KCNIP4: variants seen among roughly 807,000 people sequenced by gnomAD.
KCNIP4 encodes the protein Kv channel-interacting protein 4.
KCNIP4 carries 12 observed loss-of-function variants against 34.0 expected under a neutral mutation model. That is an observed-to-expected ratio of 0.35 (90% CI 0.23 to 0.57). The LOEUF (loss-of-function observed/expected upper bound fraction) is 0.57, where lower values mean the gene tolerates loss of function less well. Ranked by LOEUF, KCNIP4 falls within the 20% of genes least tolerant of loss-of-function variation. The pLI, the probability that KCNIP4 is intolerant of heterozygous loss-of-function variation, is 0.83. For missense variants in KCNIP4, 238 were observed against 311.7 expected (o/e 0.76, Z 1.78); for synonymous variants, 124 against 102.2 (o/e 1.21, Z -1.29).
intron 1 of KCNIP4, among the ~76,000 whole-genome samples, chr4:21,065,743 TATATATATATATATATATATATAA>T (rs969510131): frequency 7.0e-6 from 1 of 142,090 alleles, no homozygotes; most frequent in Non-Finnish European, 1.5e-5. Flanking sequence ...TATATATATA[TATATATATATATATATATATATAA>T]CTCAATTTTA....
intron 1 of KCNIP4, among the ~76,000 whole-genome samples, chr4:21,395,792 G>A (rs1722936204): frequency 6.6e-6 from 1 of 152,114 alleles, no homozygotes. Context: ...TTTAAATGAT[G>A]TGGGGGTAAG....
At chr4:21,278,710 T>C (rs1199575377) in intron 1 of KCNIP4, among the ~76,000 whole-genome samples, 1 of 152,020 alleles carries the variant, frequency 6.6e-6, no homozygotes, top group Non-Finnish European at 1.5e-5. Flanking sequence ...CAGCTGCCAA[T>C]GGCAACAAGA....
intron 1 of KCNIP4, among the ~76,000 whole-genome samples, chr4:21,442,817 TC>T (rs1480309447): frequency 2.6e-5 from 4 of 152,162 alleles, no homozygotes; most frequent in African/African-American, 9.7e-5. Context: ...TGCTAGCAAC[TC>T]CCAAGTTCAC....
chr4:21,248,990 CAT>C (rs1232129560), intron 1 of KCNIP4, among the ~76,000 whole-genome samples: 1 of 152,158 alleles, frequency 6.6e-6, no homozygotes, highest in African/African-American at 2.4e-5. Context: ...TGGTAAGTAT[CAT>C]GTGATTTTCT....
At chr4:21,895,403 C>T (rs1168979624) in intron 1 of KCNIP4, among the ~76,000 whole-genome samples, 1 of 152,118 alleles carries the variant, frequency 6.6e-6, no homozygotes, top group Non-Finnish European at 1.5e-5. Flanking sequence ...ATTTCATCAG[C>T]ACAATACCGT....
intron 2 of KCNIP4, among the ~76,000 whole-genome samples, chr4:20,854,950 T>C (rs1032883757): frequency 1.3e-5 from 2 of 152,204 alleles, no homozygotes; most frequent in African/African-American, 4.8e-5. Context: ...TTTGTGCCCA[T>C]AGATGTTTGG....
chr4:21,370,838 TATATATATATATACACACACACACACAC>T (rs1355070264), intron 1 of KCNIP4, among the ~76,000 whole-genome samples: 14 of 30,780 alleles, frequency 4.5e-4, no homozygotes, highest in Non-Finnish European at 1.5e-4. Flanking sequence ...TATATATATA[TATATATATATATACACACACACACACAC>T]ACACACACAC....
At chr4:21,843,154 C>A (rs1473667704) in intron 1 of KCNIP4, among the ~76,000 whole-genome samples, 1 of 152,020 alleles carries the variant, frequency 6.6e-6, no homozygotes, top group African/African-American at 2.4e-5. Flanking sequence ...CTTTTGAAAA[C>A]TAAGTTAACT....
At chr4:21,008,806 G>A (rs1382012014) in intron 1 of KCNIP4, among the ~76,000 whole-genome samples, 2 of 151,922 alleles carry the variant, frequency 1.3e-5, no homozygotes, top group Admixed American at 6.6e-5. Flanking sequence ...TTACAGACGT[G>A]AGCCACCGCG....
intron 1 of KCNIP4, among the ~76,000 whole-genome samples, chr4:21,789,415 A>C (rs1720127966): frequency 6.6e-6 from 1 of 152,206 alleles, no homozygotes; most frequent in Non-Finnish European, 1.5e-5. Flanking sequence ...TTTAGTCTGC[A>C]AAACCACCAC....
chr4:21,015,807 T>A (rs10050128), intron 1 of KCNIP4, among the ~76,000 whole-genome samples: 113 of 136,776 alleles, frequency 8.3e-4, no homozygotes, highest in African/African-American at 2.8e-3. Flanking sequence ...AAATATATAC[T>A]ATATATACCA....
chr4:21,599,218 T>A (rs1314216066), intron 1 of KCNIP4, among the ~76,000 whole-genome samples: 4 of 152,078 alleles, frequency 2.6e-5, no homozygotes, highest in African/African-American at 9.7e-5. Flanking sequence ...AAATAATACA[T>A]TTTGAATATT....
At position 21,474,276 on chromosome 4, in the gene KCNIP4, C is replaced by A. The variant is rs1730725151; in HGVS notation, c.61+474295G>T. On this transcript the variant is annotated intron_variant, in intron 1 of 8. Coordinates refer to ENST00000382152, the MANE Select transcript of KCNIP4 (RefSeq NM_025221.6). The stretch of plus-strand genomic sequence containing the variant: ...CTGAGAATTGTGTCAATTACTCTAA[C>A]TTTTCTGTTATTATTATTATTGAAA... 2.0e-5 allele frequency among the ~76,000 whole-genome samples: 3 copies of A among 152,234 alleles called. No homozygotes were observed. In the South Asian group the frequency reaches 6.2e-4, roughly 32 times the overall value.
chr4:21,187,491 G>GTTAAAATTCATTTTTGT (rs1560792391), intron 1 of KCNIP4, among the ~76,000 whole-genome samples: 1 of 152,090 alleles, frequency 6.6e-6, no homozygotes, highest in African/African-American at 2.4e-5. Context: ...TACCTAATTC[G>GTTAAAATTCATTTTTGT]TTAAAATTCA....
intron 1 of KCNIP4, among the ~76,000 whole-genome samples, chr4:21,735,536 ATTGGC>A (rs1265666297): frequency 6.6e-6 from 1 of 152,164 alleles, no homozygotes; most frequent in African/African-American, 2.4e-5. Context: ...ATGACACCAC[ATTGGC>A]AGCCTAAAAT....
intron 1 of KCNIP4, among the ~76,000 whole-genome samples, chr4:21,862,923 T>A (rs1190786170): frequency 6.8e-6 from 1 of 147,690 alleles, no homozygotes; most frequent in Non-Finnish European, 1.5e-5. Flanking sequence ...ATCGCGCCAC[T>A]GCACTCCAGC....
In KCNIP4 at chr4:21,251,232, G is replaced by A. The variant is rs576652998; in HGVS notation, c.62-368523C>T. On this transcript the variant is annotated intron_variant, in intron 1 of 8. Coordinates refer to ENST00000382152, the MANE Select transcript of KCNIP4 (RefSeq NM_025221.6). The stretch of plus-strand genomic sequence containing the variant: ...AATCTATCTATATTGTTAGATTATG[G>A]TATATTGTAGAGTAAGGCAGAAAAT... 1.3e-3 allele frequency among the ~76,000 whole-genome samples: 192 copies of A among 152,120 alleles called. 1 individual carries two copies. The highest frequency in any genetic ancestry group is 4.3e-3 in the African/African-American group (178 of 41,492).
At chr4:21,240,027 T>C (rs559951564) in intron 1 of KCNIP4, among the ~76,000 whole-genome samples, 2 of 151,938 alleles carry the variant, frequency 1.3e-5, no homozygotes, top group African/African-American at 4.8e-5. Flanking sequence ...ATATACACCA[T>C]GGAATACTAT....
At chr4:21,863,524 G>A (rs1678726068) in intron 1 of KCNIP4, among the ~76,000 whole-genome samples, 1 of 152,074 alleles carries the variant, frequency 6.6e-6, no homozygotes, top group South Asian at 2.1e-4. Flanking sequence ...AGATGGGGAG[G>A]GGGAAGGTAT....
Sources: allele counts gnomAD v4.1 joint callset (sites outside exome capture counted in the v4.1 genomes callset), GRCh38; gene constraint gnomAD v4.1.1; transcripts MANE v1.5; gene names NCBI Gene and HGNC (gene_info 2026-07-23, HGNC 2026-07-21).